Variants in ROBO2 observed in about 807,000 individuals in gnomAD.
ROBO2 encodes roundabout homolog 2.
In ROBO2, 53 loss-of-function variants were observed where a neutral mutation model predicts 160.8. The observed-to-expected ratio is 0.33, with a 90% confidence interval of 0.26 to 0.41. The LOEUF (loss-of-function observed/expected upper bound fraction) is 0.41. Among genes scored for constraint, ROBO2 ranks in the 10% least tolerant of loss-of-function variants. The pLI is 1.00. For synonymous variants in ROBO2, 664 were observed against 611.7 expected (o/e 1.09, Z -1.26); for missense variants, 1,577 against 1,722.4 (o/e 0.92, Z 1.49).
intron 2 of ROBO2, among the ~76,000 whole-genome samples, chr3:77,199,240 T>A (rs1325449915): frequency 1.3e-5 from 2 of 152,232 alleles, no homozygotes; most frequent in African/African-American, 4.8e-5. Context: ...ATGCAATTGT[T>A]TTCCCTCTTA....
intron 2 of ROBO2, among the ~76,000 whole-genome samples, chr3:76,070,304 G>A (rs2068404613): frequency 6.6e-6 from 1 of 152,134 alleles, no homozygotes; most frequent in Non-Finnish European, 1.5e-5. Context: ...GAAAGAGTAT[G>A]CGCACCTGGG....
chr3:76,829,038 T>C (rs1333696147), intron 2 of ROBO2, among the ~76,000 whole-genome samples: 1 of 152,096 alleles, frequency 6.6e-6, no homozygotes, highest in Non-Finnish European at 1.5e-5. Flanking sequence ...AAACTGCCCT[T>C]TACAGTTCAG....
At chr3:77,095,297 C>T (rs1030941226) in intron 1 of ROBO2, among the ~76,000 whole-genome samples, 9 of 152,150 alleles carry the variant, frequency 5.9e-5, no homozygotes, top group Non-Finnish European at 7.4e-5. Flanking sequence ...TAAAATTCTT[C>T]GTGTGCTCAT....
intron 2 of ROBO2, among the ~76,000 whole-genome samples, chr3:76,033,937 G>GTAGGAGCTGAATGCCGAAAGGGAAAA (rs2067013983): frequency 6.6e-6 from 1 of 152,222 alleles, no homozygotes; most frequent in African/African-American, 2.4e-5. Flanking sequence ...GAAAGGGAAA[G>GTAGGAGCTGAATGCCGAAAGGGAAAA]TAGAAACTGA....
chr3:75,978,043 G>C (rs1377932593), intron 2 of ROBO2, among the ~76,000 whole-genome samples: 2 of 151,466 alleles, frequency 1.3e-5, no homozygotes, highest in East Asian at 1.9e-4. Context: ...TTTCAAAATA[G>C]TGATATATTA....
chr3:77,423,824 C>T (rs1322686912), intron 2 of ROBO2, among the ~76,000 whole-genome samples: 3 of 152,134 alleles, frequency 2.0e-5, no homozygotes, highest in African/African-American at 4.8e-5. Context: ...CCCAGGGTAA[C>T]GTTATGACTT....
At chr3:75,934,406 T>C (rs1354281646) in intron 1 of ROBO2, among the ~76,000 whole-genome samples, 1 of 152,224 alleles carries the variant, frequency 6.6e-6, no homozygotes, top group Non-Finnish European at 1.5e-5. Flanking sequence ...ATTAGAGAAG[T>C]CCATGGCATG....
intron 2 of ROBO2, among the ~76,000 whole-genome samples, chr3:76,336,919 C>A (rs977148825): frequency 6.6e-6 from 1 of 151,660 alleles, no homozygotes; most frequent in Admixed American, 6.6e-5. Context: ...TTCTAATTCC[C>A]AAAATTAATG....
intron 1 of ROBO2, among the ~76,000 whole-genome samples, chr3:77,052,100 G>A (rs540102307): frequency 6.6e-6 from 1 of 152,238 alleles, no homozygotes; most frequent in East Asian, 1.9e-4. Context: ...ACTGATGTTG[G>A]TTGCTAGGAG....
chr3:76,240,675 AG>A (rs1705231275), intron 2 of ROBO2, among the ~76,000 whole-genome samples: 2 of 152,112 alleles, frequency 1.3e-5, no homozygotes, highest in Non-Finnish European at 2.9e-5. Context: ...CCTGTGGGTG[AG>A]GTGACGTCCT....
intron 2 of ROBO2, among the ~76,000 whole-genome samples, chr3:76,567,807 AT>A (rs762639441): frequency 0.085 from 6,146 of 71,960 alleles, 394 homozygotes; most frequent in East Asian, 0.23. Flanking sequence ...GTATATATAT[AT>A]TTTTTTTTTT....
intron 23 of ROBO2, chr3:77,630,500 A>C (rs2095136830): frequency 7.0e-6 from 1 of 143,088 alleles, no homozygotes; most frequent in African/African-American, 2.5e-5. Context: ...ATCACCCCCC[A>C]CAAAGTCCCC....
intron 2 of ROBO2, among the ~76,000 whole-genome samples, chr3:77,298,916 G>T (rs181924645): frequency 6.6e-6 from 1 of 152,106 alleles, no homozygotes; most frequent in African/African-American, 2.4e-5. Context: ...CAAAAGTGTC[G>T]TGAGATCTGG....
At chr3:77,388,943 C>CT (rs1553933382) in intron 2 of ROBO2, among the ~76,000 whole-genome samples, 2 of 152,082 alleles carry the variant, frequency 1.3e-5, no homozygotes, top group Non-Finnish European at 2.9e-5. Context: ...ATTTATTTAT[C>CT]TATTTTGTTG....
chr3:77,146,555 T>G (rs2077136230), intron 2 of ROBO2, among the ~76,000 whole-genome samples: 2 of 152,208 alleles, frequency 1.3e-5, no homozygotes, highest in Non-Finnish European at 2.9e-5. Context: ...TGATGAATTG[T>G]GACCTGGGTC....
At chr3:77,001,422 G>T (rs1312319250) in intron 2 of ROBO2, among the ~76,000 whole-genome samples, 1 of 152,154 alleles carries the variant, frequency 6.6e-6, no homozygotes, top group Non-Finnish European at 1.5e-5. Context: ...AAAAATAGTT[G>T]TGAGTATCAC....
intron 2 of ROBO2, among the ~76,000 whole-genome samples, chr3:76,621,584 C>G (rs1225824008): frequency 1.3e-5 from 2 of 152,160 alleles, no homozygotes; most frequent in Non-Finnish European, 2.9e-5. Flanking sequence ...AAATTCTTAA[C>G]TTTTCTGAAC....
chr3:76,274,663 C>T (rs973395886), intron 2 of ROBO2, among the ~76,000 whole-genome samples: 5 of 151,538 alleles, frequency 3.3e-5, no homozygotes, highest in Non-Finnish European at 5.9e-5. Context: ...ATGGTGAAAC[C>T]CCGTCTCTAC....
intron 2 of ROBO2, among the ~76,000 whole-genome samples, chr3:76,535,546 C>CA (rs1310616842): frequency 1.3e-5 from 2 of 151,794 alleles, no homozygotes; most frequent in African/African-American, 4.8e-5. Context: ...TTGAATTGGG[C>CA]AAAAGGACAG....
Sources: gnomAD v4.1 joint callset for allele counts (sites outside exome capture counted in the v4.1 genomes callset) on GRCh38, gnomAD v4.1.1 for gene constraint, MANE v1.5 for transcripts, NCBI Gene and HGNC (gene_info 2026-07-23, HGNC 2026-07-21) for gene names.